The following VAV2 variants were observed in gnomAD, a reference collection of about 807,000 sequenced individuals.
VAV2 encodes vav guanine nucleotide exchange factor 2.
Under a neutral mutation model 132.5 loss-of-function variants are expected in VAV2, and 67 were observed. That is an observed-to-expected ratio of 0.51 (90% CI 0.42 to 0.62). The LOEUF is 0.62. Ranked by LOEUF, VAV2 falls within the 20% of genes least tolerant of loss-of-function variation. The pLI, the probability that VAV2 is intolerant of heterozygous loss-of-function variation, is 0.00. For missense variants in VAV2, 938 were observed against 1,153.6 expected (o/e 0.81, Z 2.71); for synonymous variants, 492 against 443.5 (o/e 1.11, Z -1.37).
At chr9:133,855,068 C>T (rs984121591) in intron 3 of VAV2, among the ~76,000 whole-genome samples, 2 of 152,006 alleles carry the variant, frequency 1.3e-5, no homozygotes, top group Non-Finnish European at 2.9e-5. Flanking sequence ...AAAGGGACAC[C>T]AGCCCGGATG....
At position 133,840,035 on chromosome 9, in the gene VAV2, G is replaced by A. The variant is rs576739869; in HGVS notation, c.381-5695C>T. On this transcript the variant is annotated intron_variant, in intron 3 of 29. Transcript: ENST00000371850. This position sits in a 1 kb window ranked among gnomAD's most constrained non-coding sequence, Gnocchi z 4.5. ...CAGGCACCAGCTGATTTTCCTTCCC[G>A]CACTTACCCCTAGCGTCCCCTACCC... Among the ~76,000 whole-genome samples the A allele has an allele frequency of 1.3e-5, 2 of 151,546 alleles. No individual in the cohort carries two copies. The highest frequency in any genetic ancestry group is 4.8e-5 in the African/African-American group (2 of 41,290).
rs1840884578 is a variant in VAV2, at chr9:133,935,734, G to A, written c.321+3369C>T. ...ACTCCATTTGGAAGTGCTGACCACA[G>A]CTTGACCACGGTAGGAAAAACATCC... On this transcript the variant is annotated intron_variant, in intron 2 of 29. Coordinates refer to ENST00000371850, the MANE Select transcript of VAV2 (RefSeq NM_001134398.2). This position sits in a 1 kb window ranked among gnomAD's most constrained non-coding sequence, Gnocchi z 5.2. Among the ~76,000 whole-genome samples, 1 of 152,246 alleles carries A rather than the reference G, an allele frequency of 6.6e-6. No homozygotes were observed. The highest frequency in any genetic ancestry group is 2.4e-5 in the African/African-American group (1 of 41,472).
At chr9:133,869,403 T>C (rs573892243) in intron 2 of VAV2, among the ~76,000 whole-genome samples, 96 of 151,888 alleles carry the variant, frequency 6.3e-4, no homozygotes, top group Non-Finnish European at 1.4e-3. Context: ...GCCAGGAGTC[T>C]GAGGCCAGCC....
At chr9:133,979,442 G>A (rs1842622745) in intron 1 of VAV2, among the ~76,000 whole-genome samples, 1 of 152,126 alleles carries the variant, frequency 6.6e-6, no homozygotes, top group Admixed American at 6.5e-5. Flanking sequence ...GAGGAGATGG[G>A]TCCCCAGGCA....
At position 133,860,009 on chromosome 9, in the gene VAV2, G is replaced by A. The variant is rs552698545; in HGVS notation, c.380+1365C>T. 1.5e-3 allele frequency among the ~76,000 whole-genome samples: 226 copies of A among 152,238 alleles called. 2 individuals carry two copies. Among genetic ancestry groups the A allele is most frequent in the Non-Finnish European group, 2.3e-3 (157 of 68,002 alleles). ...GTATGTGCTTAATATTTAATTTTAA[G>A]AGTCTATCCATGGCCGGGCGAGGTG... On this transcript the variant is annotated intron_variant, in intron 3 of 29. Transcript: ENST00000371850.
chr9:133,887,162 T>G (rs908986203), intron 2 of VAV2, among the ~76,000 whole-genome samples: 1 of 152,176 alleles, frequency 6.6e-6, no homozygotes, highest in African/African-American at 2.4e-5. Flanking sequence ...GGCCATCTGC[T>G]GGGCCCATTC....
chr9:133,767,777 C>A (rs185011884), intron 29 of VAV2, among the ~76,000 whole-genome samples: 185 of 152,344 alleles, frequency 1.2e-3, no homozygotes, highest in African/African-American at 4.2e-3. Flanking sequence ...GTGCAGCTTG[C>A]AGCTCACAGA....
intron 1 of VAV2, among the ~76,000 whole-genome samples, chr9:133,970,590 G>C (rs981428164): frequency 6.6e-6 from 1 of 152,170 alleles, no homozygotes; most frequent in African/African-American, 2.4e-5. Context: ...TGCAGAGATG[G>C]AGGTGGCTCC....
At chr9:133,923,062 T>C (rs1037059811) in intron 2 of VAV2, among the ~76,000 whole-genome samples, 4 of 152,206 alleles carry the variant, frequency 2.6e-5, no homozygotes, top group African/African-American at 9.7e-5. Context: ...CCAAAGATGA[T>C]GTAAACCTGG....
intron 2 of VAV2, 47 bp downstream of exon 2, chr9:133,939,056 C>T (rs375863543): frequency 2.3e-5 from 36 of 1,564,988 alleles, no homozygotes; most frequent in Non-Finnish European, 3.1e-5. Flanking sequence ...GCCGGCAAAT[C>T]GGCCACCACA....
At chr9:133,920,676 G>A (rs929749217) in intron 2 of VAV2, among the ~76,000 whole-genome samples, 1 of 152,018 alleles carries the variant, frequency 6.6e-6, no homozygotes, top group Non-Finnish European at 1.5e-5. Context: ...GTCACACAGA[G>A]GAGGCTTGGC....
intron 27 of VAV2, among the ~76,000 whole-genome samples, 188 bp downstream of exon 27, chr9:133,770,190 C>G (rs562095103): frequency 6.6e-5 from 10 of 152,332 alleles, no homozygotes; most frequent in Non-Finnish European, 1.0e-4. Context: ...GCAGAGTCCC[C>G]GCCTGTCACA....
intron 2 of VAV2, among the ~76,000 whole-genome samples, chr9:133,909,507 A>C (rs1839799792): frequency 6.6e-6 from 1 of 152,240 alleles, no homozygotes. Context: ...TCAATGAGCC[A>C]CACAGAGTGC....
intron 2 of VAV2, among the ~76,000 whole-genome samples, chr9:133,937,140 C>A (rs923785239): frequency 6.6e-6 from 1 of 152,196 alleles, no homozygotes; most frequent in Non-Finnish European, 1.5e-5. Flanking sequence ...CTGTATTTTT[C>A]TCTTTACAGT....
chr9:133,813,947 T>A (rs375419673), intron 4 of VAV2, among the ~76,000 whole-genome samples: 17 of 152,330 alleles, frequency 1.1e-4, no homozygotes, highest in African/African-American at 3.8e-4. Context: ...ACAAACAAAC[T>A]GAGGTTAAAC....
intron 29 of VAV2, among the ~76,000 whole-genome samples, chr9:133,766,758 A>AT (rs1491441474): frequency 0.02 from 1,524 of 76,820 alleles, 21 homozygotes; most frequent in Middle Eastern, 0.048. Flanking sequence ...AAGTATAAAT[A>AT]AATATATATA....
intron 2 of VAV2, among the ~76,000 whole-genome samples, chr9:133,936,263 G>C (rs1217883722): frequency 8.6e-6 from 1 of 116,542 alleles, no homozygotes; most frequent in African/African-American, 3.5e-5. Context: ...TTTTTTTTAA[G>C]ACAGAGTCTC....
chr9:133,970,999 C>T lies in VAV2; in HGVS notation c.204+21076G>A, dbSNP rs527857225. 3.3e-5 allele frequency among the ~76,000 whole-genome samples: 5 copies of T among 152,316 alleles called. No individual in the cohort carries two copies. The South Asian group carries it at 1.0e-3, about 32-fold the overall frequency. ...ATGGTGTGTGAAAATTCTATCTTTT[C>T]CTTTTTGAAATAAAAAATATATATA... On this transcript the variant is annotated intron_variant, in intron 1 of 29. Coordinates refer to ENST00000371850, the MANE Select transcript of VAV2 (RefSeq NM_001134398.2).
Position 133,854,646 on chromosome 9 carries a change from GGGGGCCAGACCCCA to G in VAV2, c.380+6714_380+6727del, listed in dbSNP as rs199596292. ...CCGCTGTGACCAGAAGCAGGCTGGA[GGGGGCCAGACCCCA>G]GCCTCAAAGCCCAGCAATCCAAAGG... On this transcript the variant is annotated intron_variant, in intron 3 of 29. Transcript: ENST00000371850. Among the ~76,000 whole-genome samples the G allele has an allele frequency of 5.8e-3, 890 of 152,344 alleles. 8 individuals are homozygous for G. Among genetic ancestry groups the G allele is most frequent in the African/African-American group, 0.02 (819 of 41,572 alleles).
Sources: gnomAD v4.1 joint callset for allele counts (sites outside exome capture counted in the v4.1 genomes callset) on GRCh38, gnomAD v4.1.1 for gene constraint, Gnocchi (gnomAD v3.1) non-coding constraint, MANE v1.5 for transcripts, NCBI Gene and HGNC (gene_info 2026-07-23, HGNC 2026-07-21) for gene names.